Variants in RBM6 observed in about 807,000 individuals in gnomAD.
The protein encoded by RBM6 is RNA-binding protein 6.
In RBM6, 23 loss-of-function variants were observed where a neutral mutation model predicts 140.4. The ratio of observed to expected loss-of-function variants is 0.16; its 90% CI spans 0.12 to 0.23. The LOEUF (loss-of-function observed/expected upper bound fraction) is 0.23. RBM6 is among the 10% of genes least tolerant of loss of function. RBM6 has a pLI of 1.00. For missense variants in RBM6, 1,139 were observed against 1,386.7 expected, an observed-to-expected ratio of 0.82 and a Z score of 2.84; for synonymous variants, 439 against 475.6, an observed-to-expected ratio of 0.92 and a Z score of 1.00.
At chr3:49,979,228 C>T (rs923024455) in intron 5 of RBM6, among the ~76,000 whole-genome samples, 2 of 151,982 alleles carry the variant, frequency 1.3e-5, no homozygotes, top group Admixed American at 6.6e-5. Flanking sequence ...AAGGCACACC[C>T]GTAGAGATAG....
chr3:50,044,395 G>A (rs1207560257), intron 6 of RBM6, among the ~76,000 whole-genome samples: 6 of 151,910 alleles, frequency 3.9e-5, no homozygotes, highest in African/African-American at 7.2e-5. Flanking sequence ...AGGCTGAGGC[G>A]GGTGGATCAT....
At chr3:50,052,986 G>GGGGTGT (rs1386634861) in intron 7 of RBM6, among the ~76,000 whole-genome samples, 2 of 134,658 alleles carry the variant, frequency 1.5e-5, no homozygotes, top group African/African-American at 5.6e-5. Flanking sequence ...AGTGGGCAGG[G>GGGGTGT]GTGTGTGTGT....
intron 5 of RBM6, among the ~76,000 whole-genome samples, chr3:49,986,524 G>T (rs1164274620): frequency 1.3e-5 from 2 of 150,754 alleles, no homozygotes; most frequent in Middle Eastern, 3.2e-3. Context: ...GAACCCGGGA[G>T]GCAGAGCTTG....
chr3:49,983,458 GA>G (rs143088072), intron 5 of RBM6, among the ~76,000 whole-genome samples: 3 of 147,778 alleles, frequency 2.0e-5, no homozygotes, highest in Non-Finnish European at 4.5e-5. Context: ...TCAAAAAAAG[GA>G]AAAAAAAAAG....
At chr3:50,024,691 C>T (rs1158245263) in intron 6 of RBM6, among the ~76,000 whole-genome samples, 1 of 152,200 alleles carries the variant, frequency 6.6e-6, no homozygotes, top group Non-Finnish European at 1.5e-5. Flanking sequence ...CGATGGCTCA[C>T]GCCTGTTATC....
intron 6 of RBM6, among the ~76,000 whole-genome samples, chr3:50,028,888 C>T (rs538654702): frequency 6.6e-6 from 1 of 151,944 alleles, no homozygotes; most frequent in Non-Finnish European, 1.5e-5. Context: ...GTGGTCTTGA[C>T]CCCCCCAACC....
intron 15 of RBM6, 43 bp from the exon 16 acceptor site, chr3:50,064,988 T>C (rs373849458): frequency 1.3e-6 from 2 of 1,521,294 alleles, no homozygotes; most frequent in African/African-American, 2.7e-5. Flanking sequence ...TTATCAGTTA[T>C]TATGAGTGAA....
chr3:49,990,952 G>T (rs4688758), intron 5 of RBM6, among the ~76,000 whole-genome samples: 1 of 151,866 alleles, frequency 6.6e-6, no homozygotes, highest in Non-Finnish European at 1.5e-5. Flanking sequence ...TTCAGACTCC[G>T]CAGGTTGAAG....
intron 19 of RBM6, 32 bp downstream of exon 19, chr3:50,070,584 C>G (rs2090270337): frequency 2.6e-6 from 4 of 1,511,984 alleles, no homozygotes; most frequent in Middle Eastern, 1.7e-4. Flanking sequence ...CAGCCTAGGC[C>G]TCAAGCCTAA....
At chr3:50,071,745 TG>T (rs2090303909) in intron 19 of RBM6, among the ~76,000 whole-genome samples, 1 of 152,216 alleles carries the variant, frequency 6.6e-6, no homozygotes, top group Admixed American at 6.5e-5. Context: ...TTCAGGTCTC[TG>T]GTCTCTGGAT....
intron 20 of RBM6, 93 bp downstream of exon 20, chr3:50,075,423 C>A (rs1354575654): frequency 7.3e-6 from 11 of 1,502,850 alleles, no homozygotes; most frequent in Non-Finnish European, 9.9e-6. Flanking sequence ...TGCCATTTTG[C>A]TGGGCTTTCT....
At chr3:49,978,532 T>A (rs1005852006) in intron 5 of RBM6, among the ~76,000 whole-genome samples, 3 of 152,288 alleles carry the variant, frequency 2.0e-5, no homozygotes, top group Admixed American at 2.0e-4. Context: ...TAGAGCTGTA[T>A]AAGTACAGGG....
chr3:49,941,636 G>T (rs2083281410), intron 1 of RBM6, among the ~76,000 whole-genome samples: 5 of 61,658 alleles, frequency 8.1e-5, no homozygotes, highest in South Asian at 5.8e-4. Context: ...GTGAAACTCT[G>T]TCTCAAAAAA....
chr3:50,059,119 G>A (rs2089836953), intron 10 of RBM6, among the ~76,000 whole-genome samples: 1 of 152,082 alleles, frequency 6.6e-6, no homozygotes, highest in Admixed American at 6.6e-5. Flanking sequence ...ACTCGCTTGT[G>A]AAGAATCTGA....
intron 5 of RBM6, among the ~76,000 whole-genome samples, chr3:49,982,262 CTTTTTTTTTTTT>C (rs751604271): frequency 3.8e-4 from 26 of 68,396 alleles, no homozygotes; most frequent in Admixed American, 2.1e-3. Flanking sequence ...CTTTTCTTTT[CTTTTTTTTTTTT>C]TTTTTTTTTT....
chr3:50,059,571 C>T, intron 10 of RBM6, 78 bp from the exon 11 acceptor site: 1 of 1,193,512 alleles, frequency 8.4e-7, no homozygotes, highest in South Asian at 1.4e-5. Context: ...ACGTTCACTT[C>T]TCTTTCAAAG....
intron 1 of RBM6, among the ~76,000 whole-genome samples, chr3:49,946,626 C>T (rs1289566583): frequency 6.6e-6 from 1 of 152,028 alleles, no homozygotes; most frequent in East Asian, 1.9e-4. Context: ...ACCTCTGCCT[C>T]CCAGATTGAA....
intron 1 of RBM6, among the ~76,000 whole-genome samples, chr3:49,947,824 G>C (rs903350304): frequency 3.9e-5 from 6 of 152,154 alleles, no homozygotes; most frequent in Admixed American, 2.6e-4. Flanking sequence ...TTCCATTTGG[G>C]AAAAAGATTG....
chr3:50,051,694 T>G (rs2089475644), intron 7 of RBM6, among the ~76,000 whole-genome samples: 1 of 152,216 alleles, frequency 6.6e-6, no homozygotes, highest in South Asian at 2.1e-4. Context: ...AAAATTTTTT[T>G]GTAATTAAAA....
Sources: allele counts gnomAD v4.1 joint callset (sites outside exome capture counted in the v4.1 genomes callset), GRCh38; gene constraint gnomAD v4.1.1; transcripts MANE v1.5; gene names NCBI Gene and HGNC (gene_info 2026-07-23, HGNC 2026-07-21).